CDH7: variants seen among roughly 807,000 people sequenced by gnomAD.
The protein encoded by CDH7 is cadherin-7.
Under a neutral mutation model 71.8 loss-of-function variants are expected in CDH7, and 25 were observed. The ratio of observed to expected loss-of-function variants is 0.35; its 90% CI spans 0.25 to 0.49. The LOEUF is 0.49. CDH7 is among the 20% of genes least tolerant of loss of function. The pLI is 0.99. For synonymous variants in CDH7, 381 were observed against 363.8 expected (o/e 1.05, Z -0.54); for missense variants, 862 against 974.6 (o/e 0.88, Z 1.54).
intron 11 of CDH7, chr18:65,864,185 T>A (rs1246062573): frequency 6.6e-6 from 1 of 152,176 alleles, no homozygotes; most frequent in Non-Finnish European, 1.5e-5. Flanking sequence ...CTGCTAAATC[T>A]AATTAGAATA....
At chr18:65,782,161 T>C (rs1380688169) in intron 2 of CDH7, among the ~76,000 whole-genome samples, 7 of 112,238 alleles carry the variant, frequency 6.2e-5, no homozygotes, top group South Asian at 3.0e-4. Context: ...TTTCTTTCTT[T>C]CTTCCTTTCT....
At position 65,890,157 on chromosome 18, in the gene CDH7, G is replaced by A. The variant is rs980300098; in HGVS notation, c.*9263G>A. The A allele has an allele frequency of 9.2e-5, 14 of 152,122 alleles. No individual in the cohort carries two copies. Among genetic ancestry groups the A allele is most frequent in the Admixed American group, 3.3e-4 (5 of 15,276 alleles). 9.4% of individuals were successfully genotyped at this position (152,122 alleles called of 1,614,324 possible). On this transcript the variant is annotated 3_prime_UTR_variant, in exon 12 of 12. Transcript: ENST00000397968. ...CACTATCTTTATAGGAAGCTTTACC[G>A]ACTTTGTACGACTTGGTTTAATTTA... is the stretch of plus-strand genomic sequence containing the variant.
chr18:65,759,259 C>A (rs997255783), intron 1 of CDH7, among the ~76,000 whole-genome samples: 3 of 96,554 alleles, frequency 3.1e-5, no homozygotes, highest in Admixed American at 2.2e-4. Context: ...TTTCTTTTTT[C>A]TTTTGGAGAC....
At chr18:65,750,481 C>T (rs1348337431), upstream of CDH7, 1 of 152,260 alleles carries the variant, frequency 6.6e-6, no homozygotes, top group African/African-American at 2.4e-5. Context: ...GGGCTGCAGC[C>T]CCTCCTACTT....
intron 2 of CDH7, among the ~76,000 whole-genome samples, chr18:65,782,587 G>A (rs1910354109): frequency 6.6e-6 from 1 of 152,132 alleles, no homozygotes; most frequent in South Asian, 2.1e-4. Context: ...TTTCTATGCA[G>A]ACACCATGAA....
At chr18:65,872,567 C>T (rs1913959146) in intron 11 of CDH7, among the ~76,000 whole-genome samples, 2 of 152,016 alleles carry the variant, frequency 1.3e-5, no homozygotes, top group Admixed American at 1.3e-4. Flanking sequence ...TCTGATCCAT[C>T]TGAAGCCAAC....
In CDH7 at chr18:65,881,717, C is replaced by A. The variant is rs1428655422; in HGVS notation, c.*823C>A. On this transcript the variant is annotated 3_prime_UTR_variant, in exon 12 of 12. Transcript: ENST00000397968. ...ATGGTGTTGTATTTATTTTGGAGCT[C>A]CAATCTCCACTAAATTCAGGTCCAT... The A allele has an allele frequency of 6.6e-6, 1 of 151,986 alleles. No homozygotes were observed. Among genetic ancestry groups the A allele is most frequent in the African/African-American group, 2.4e-5 (1 of 41,404 alleles). 9.4% of individuals were successfully genotyped at this position (151,986 alleles called of 1,614,324 possible). A position where few individuals can be genotyped will look rare whatever the true frequency, so the allele number is the denominator to read the frequency against.
chr18:65,885,813 T>C lies in CDH7; in HGVS notation c.*4919T>C, dbSNP rs1262337697. 6.6e-6 allele frequency: 1 copy of C among 152,156 alleles called. No individual in the cohort carries two copies. The highest frequency in any genetic ancestry group is 1.5e-5 in the Non-Finnish European group (1 of 68,024). 9.4% of individuals were successfully genotyped at this position (152,156 alleles called of 1,614,324 possible). A position where few individuals can be genotyped will look rare whatever the true frequency, so the allele number is the denominator to read the frequency against. ...TGTTAGGCAATAAGACTAGAAAATA[T>C]GGTACCGAATGAAAGGAGAAATATC... On this transcript the variant is annotated 3_prime_UTR_variant, in exon 12 of 12. Coordinates refer to ENST00000397968, the MANE Select transcript of CDH7 (RefSeq NM_004361.5).
At chr18:65,864,265 A>G (rs1913680870) in intron 11 of CDH7, 1 of 152,166 alleles carries the variant, frequency 6.6e-6, no homozygotes, top group African/African-American at 2.4e-5. Context: ...AGCTTCTAAA[A>G]CAAACTTGTC....
At chr18:65,821,139 A>C (rs1052558062) in intron 4 of CDH7, among the ~76,000 whole-genome samples, 63 of 151,512 alleles carry the variant, frequency 4.2e-4, no homozygotes, top group East Asian at 1.2e-3. Context: ...AAACAAAAAA[A>C]AAAACAAGAA....
At chr18:65,831,485 T>C (rs549811269) in intron 6 of CDH7, among the ~76,000 whole-genome samples, 83 of 152,290 alleles carry the variant, frequency 5.5e-4, no homozygotes, top group African/African-American at 1.7e-3. Context: ...CTAGAGTTTA[T>C]TTGGAGTTGT....
chr18:65,873,014 G>C (rs1913972805), intron 11 of CDH7, among the ~76,000 whole-genome samples: 1 of 151,948 alleles, frequency 6.6e-6, no homozygotes, highest in African/African-American at 2.4e-5. Context: ...TTAGTGCCCA[G>C]TAGAAAAAGA....
At chr18:65,790,464 A>G (rs2143856351) in intron 2 of CDH7, among the ~76,000 whole-genome samples, 1 of 152,240 alleles carries the variant, frequency 6.6e-6, no homozygotes, top group South Asian at 2.1e-4. Context: ...ACTGATTTTT[A>G]TATTCTCTTT....
intron 2 of CDH7, chr18:65,803,003 A>G (rs986295139): frequency 1.6e-4 from 24 of 152,318 alleles, no homozygotes; most frequent in African/African-American, 5.8e-4. Context: ...TTACACCACT[A>G]TATGGAAATG....
At chr18:65,879,050 T>C (rs954819523) in intron 11 of CDH7, among the ~76,000 whole-genome samples, 5 of 152,192 alleles carry the variant, frequency 3.3e-5, no homozygotes, top group Non-Finnish European at 7.4e-5. Flanking sequence ...TAAGAAAGCA[T>C]GTATTTTTAT....
chr18:65,851,291 A>G (rs2144012216), intron 7 of CDH7, among the ~76,000 whole-genome samples: 1 of 152,240 alleles, frequency 6.6e-6, no homozygotes, highest in South Asian at 2.1e-4. Context: ...AAATGCACAT[A>G]TCGACAAACT....
At chr18:65,828,887 G>A (rs1912229746) in intron 6 of CDH7, among the ~76,000 whole-genome samples, 1 of 152,022 alleles carries the variant, frequency 6.6e-6, no homozygotes, top group Non-Finnish European at 1.5e-5. Flanking sequence ...CTCAAACATT[G>A]TTCATATTCT....
At chr18:65,776,569 C>T (rs988485828) in intron 2 of CDH7, among the ~76,000 whole-genome samples, 6 of 152,130 alleles carry the variant, frequency 3.9e-5, no homozygotes, top group African/African-American at 1.4e-4. Context: ...CTTAATGGAA[C>T]TAGATAAATG....
chr18:65,789,978 C>T (rs966571350), intron 2 of CDH7, among the ~76,000 whole-genome samples: 2 of 150,696 alleles, frequency 1.3e-5, no homozygotes, highest in East Asian at 2.0e-4. Flanking sequence ...ACCTGTAATC[C>T]CAGCACTTTG....
Sources: allele counts gnomAD v4.1 joint callset (sites outside exome capture counted in the v4.1 genomes callset), GRCh38; gene constraint gnomAD v4.1.1; transcripts MANE v1.5; gene names NCBI Gene and HGNC (gene_info 2026-07-23, HGNC 2026-07-21).